JAK3: variants seen among roughly 807,000 people sequenced by gnomAD.
JAK3 encodes the protein tyrosine-protein kinase JAK3.
Under a neutral mutation model 120.8 loss-of-function variants are expected in JAK3, and 88 were observed. The ratio of observed to expected loss-of-function variants is 0.73; its 90% CI spans 0.61 to 0.87. The LOEUF (loss-of-function observed/expected upper bound fraction) is 0.87, where lower values mean the gene tolerates loss of function less well. Among genes scored for constraint, JAK3 ranks in the 40% least tolerant of loss-of-function variants. The pLI, the probability that JAK3 is intolerant of heterozygous loss-of-function variation, is 0.00. For synonymous variants in JAK3, 592 were observed against 628.6 expected (o/e 0.94, Z 0.87); for missense variants, 1,254 against 1,501.4 (o/e 0.84, Z 2.72).
At position 17,837,980 on chromosome 19, in the gene JAK3, T is replaced by C. The variant is rs201698409; in HGVS notation, c.1653A>G (p.Thr551=). The change falls in exon 12 of 24, where the codon ACA becomes ACG. Residue 551 remains threonine, a synonymous_variant. Coordinates refer to ENST00000458235, the MANE Select transcript of JAK3 (RefSeq NM_000215.4). ...CATCCATGACCTTCAGCAGCACCTC[T>C]GTCTTTCGGGCCTCCCCATCCACCA... ...HEVVDGEARK[T]EVLLKVMDAK... is the part of the protein sequence containing the mutation. 2.7e-5 allele frequency: 44 copies of C among 1,614,154 alleles called. No homozygotes were observed. The Admixed American group carries it at 7.2e-4, about 26-fold the overall frequency.
At chr19:17,846,385 A>G (rs1459329401) in intron 1 of JAK3, among the ~76,000 whole-genome samples, 1 of 152,076 alleles carries the variant, frequency 6.6e-6, no homozygotes, top group African/African-American at 2.4e-5. Flanking sequence ...CTTGTGGGGG[A>G]AAGAACCTTA....
chr19:17,845,519 G>T (rs1472199230), intron 1 of JAK3, among the ~76,000 whole-genome samples: 5 of 152,076 alleles, frequency 3.3e-5, no homozygotes, highest in Non-Finnish European at 7.4e-5. Context: ...AGAAAAAAAA[G>T]CCTTGTAATC....
intron 23 of JAK3, 129 bp downstream of exon 23, chr19:17,829,979 C>T: frequency 2.7e-6 from 2 of 734,972 alleles, no homozygotes; most frequent in South Asian, 2.9e-5. Context: ...CAAGTGGGGG[C>T]CAGGATCCTC....
Position 17,832,807 on chromosome 19 carries a change from T to A in JAK3, c.2473A>T (p.Ile825Phe). 6.2e-7 allele frequency: 1 copy of A among 1,614,240 alleles called. No individual in the cohort carries two copies. Among genetic ancestry groups the A allele is most frequent in the Non-Finnish European group, 8.5e-7 (1 of 1,180,042 alleles). The part of the protein sequence containing the change: ...TIFEERHLKY[I>F]SQLGKGNFGS... ...CACCTTACCTTGCCCAGCTGTGAGA[T>A]GTACTTGAGGTGTCTCTCCTCGAAG... The change falls in exon 18 of 24, where the codon ATC (isoleucine) becomes TTC (phenylalanine). Residue 825 changes from isoleucine (I) to phenylalanine (F), a missense_variant. Ile to Phe is a conservative substitution (Grantham distance 21, BLOSUM62 0). Around this residue, in one of 3 missense-constraint regions of JAK3, gnomAD observed 630 missense variants for 819.8 expected, o/e 0.77. Transcript: ENST00000458235. The surrounding 1 kb of genome is among the most constrained non-coding windows in gnomAD (Gnocchi z 4.7).
At position 17,840,212 on chromosome 19, in the gene JAK3, C is replaced by A. The variant is rs1443978564; in HGVS notation, c.1254+18G>T. ...CCTCCAGGCAGCCCTCCACTACCCA[C>A]CCTAGCAGTAGACCGACCTGGACAC... On this transcript the variant is annotated intron_variant, in intron 9 of 23. Coordinates refer to ENST00000458235, the MANE Select transcript of JAK3 (RefSeq NM_000215.4). The A allele has an allele frequency of 6.4e-7, 1 of 1,569,444 alleles. No homozygotes were observed. The highest frequency in any genetic ancestry group is 1.1e-5 in the South Asian group (1 of 90,134).
intron 1 of JAK3, 43 bp from the exon 2 acceptor site, chr19:17,844,473 G>A (rs1476908159): frequency 1.3e-5 from 20 of 1,530,702 alleles, no homozygotes; most frequent in African/African-American, 2.7e-5. Context: ...TGGTCAGAGG[G>A]GATTGGACTT....
Position 17,843,588 on chromosome 19 carries a change from T to C in JAK3, c.309-97A>G. 1 of 1,172,512 alleles carries C rather than the reference T, an allele frequency of 8.5e-7. No individual in the cohort carries two copies. The highest frequency in any genetic ancestry group is 1.9e-5 in the Admixed American group (1 of 53,880). 72.6% of individuals were successfully genotyped at this position (1,172,512 alleles called of 1,614,324 possible). A position where few individuals can be genotyped will look rare whatever the true frequency, so the allele number is the denominator to read the frequency against. On this transcript the variant is annotated intron_variant, in intron 3 of 23. Coordinates refer to ENST00000458235, the MANE Select transcript of JAK3 (RefSeq NM_000215.4). This position sits in a 1 kb window ranked among gnomAD's most constrained non-coding sequence, Gnocchi z 5.4. ...GCGAGGGACAGATTCTGCGGAGGCC[T>C]CACAGAGCCCAGCTTGTACCTTTAA...
Position 17,831,339 on chromosome 19 carries a change from A to G in JAK3, c.2867T>C (p.Leu956Pro). 1 of 1,611,528 alleles carries G rather than the reference A, an allele frequency of 6.2e-7. No homozygotes were observed. The highest frequency in any genetic ancestry group is 8.5e-7 in the Non-Finnish European group (1 of 1,179,834). ...VHRDLAARNI[L>P]VESEAHVKIA... ...CTTGACGTGTGCCTCGCTCTCCACG[A>G]GGATGTTTCGGGCGGCCAGGTCGCG... The change falls in exon 21 of 24, where the codon CTC (leucine) becomes CCC (proline). Residue 956 changes from leucine (L) to proline (P), a missense_variant. By Grantham distance (98) the Leu-to-Pro change is moderately conservative. This residue lies in a region of JAK3 where 630 missense variants were observed against 819.8 expected (regional missense o/e 0.77). Coordinates refer to ENST00000458235, the MANE Select transcript of JAK3 (RefSeq NM_000215.4). The surrounding 1 kb of genome is among the most constrained non-coding windows in gnomAD (Gnocchi z 5.1).
intron 10 of JAK3, 139 bp downstream of exon 10, chr19:17,839,338 A>G: frequency 1.2e-6 from 1 of 806,990 alleles, no homozygotes; most frequent in Non-Finnish European, 2.1e-6. Context: ...TAACTTCCTG[A>G]GCCAACAAAT....
chr19:17,840,492 C>G, intron 8 of JAK3, 151 bp from the exon 9 acceptor site: 1 of 645,422 alleles, frequency 1.5e-6, no homozygotes, highest in Non-Finnish European at 2.8e-6. Context: ...GGCCAGGCGC[C>G]GTGGCTCACG....
Position 17,843,419 on chromosome 19 carries a change from A to G in JAK3, c.381T>C (p.Ala127=), listed in dbSNP as rs587778418. 3 of 1,596,670 alleles carry G rather than the reference A, an allele frequency of 1.9e-6. No individual in the cohort carries two copies. Among genetic ancestry groups the G allele is most frequent in the Non-Finnish European group, 1.7e-6 (2 of 1,172,108 alleles). Residue 127 remains alanine, a synonymous_variant, in exon 4 of 24, where the codon GCT becomes GCC. Transcript: ENST00000458235. The surrounding 1 kb of genome is among the most constrained non-coding windows in gnomAD (Gnocchi z 5.4). ...RFGLRKDLAS[A]ILDLPVLEHL... ...GCTCCAGGACTGGCAGGTCAAGGATAGCACTGGCCAAATCCTTGCGTAGCC... is the reference window on the plus strand; with the variant it reads ...GCTCCAGGACTGGCAGGTCAAGGATGGCACTGGCCAAATCCTTGCGTAGCC...
intron 8 of JAK3, 87 bp from the exon 9 acceptor site, chr19:17,840,428 G>T: frequency 1.1e-6 from 1 of 889,346 alleles, no homozygotes; most frequent in Non-Finnish European, 1.8e-6. Context: ...TACCTCTGTA[G>T]CCCTGGGATC....
rs73014967 is a variant in JAK3 at position 17,825,450 on chromosome 19, G to A, written c.*1293C>T. On this transcript the variant is annotated 3_prime_UTR_variant, in exon 24 of 24. Coordinates refer to ENST00000458235, the MANE Select transcript of JAK3 (RefSeq NM_000215.4). ...CCTAGGACACTCAGATACCATTAGGGTGGACTGGGACCCCAGCCTTTCCTG... is the reference window on the plus strand; with the variant it reads ...CCTAGGACACTCAGATACCATTAGGATGGACTGGGACCCCAGCCTTTCCTG... 0.18 allele frequency: 39,312 copies of A among 215,624 alleles called. 3,858 individuals are homozygous for A. Among genetic ancestry groups the A allele is most frequent in the Middle Eastern group, 0.31 (214 of 686 alleles). The allele number at this position is 215,624 out of a possible 1,614,324, so 13.4% of individuals were successfully genotyped here. A position where few individuals can be genotyped will look rare whatever the true frequency, so the allele number is the denominator to read the frequency against.
rs1465921593 is a variant in JAK3, at chr19:17,847,934, G to T, written c.-14+12C>A. On this transcript the variant is annotated intron_variant, in intron 1 of 23. Transcript: ENST00000458235. ...TGTCTGGGCCGAGCCCTGCGGCATC[G>T]CCAGCTCTTACCTAGCGGGCAGGGA... is the stretch of plus-strand genomic sequence containing the variant. The T allele has an allele frequency of 5.9e-6, 6 of 1,020,752 alleles. No individual in the cohort carries two copies. The highest frequency in any genetic ancestry group is 7.1e-6 in the Non-Finnish European group (6 of 848,462). The allele number at this position is 1,020,752 out of a possible 1,614,324, so 63.2% of individuals were successfully genotyped here.
Position 17,832,600 on chromosome 19 carries a change from C to T in JAK3, c.2599G>A (p.Asp867Asn), listed in dbSNP as rs1213477299. The change falls in exon 19 of 24, where the codon GAC becomes AAC. Residue 867 changes from aspartate (D) to asparagine (N), a missense_variant. Asp to Asn is a conservative substitution (Grantham distance 23). This residue lies in a region of JAK3 where 630 missense variants were observed against 819.8 expected (regional missense o/e 0.77). Coordinates refer to ENST00000458235, the MANE Select transcript of JAK3 (RefSeq NM_000215.4). This position sits in a 1 kb window ranked among gnomAD's most constrained non-coding sequence, Gnocchi z 4.7. ...AGGATCTGAATCTCCCGCTGAAAGT[C>T]CCTCTGCTGGTCTGGCCCGCTGTGC... ...LQHSGPDQQR[D>N]FQREIQILKA... 1 of 1,614,242 alleles carries T rather than the reference C, an allele frequency of 6.2e-7. No individual in the cohort carries two copies. The highest frequency in any genetic ancestry group is 1.1e-5 in the South Asian group (1 of 91,090).
At chr19:17,827,839 T>C (rs1391020720) in intron 23 of JAK3, among the ~76,000 whole-genome samples, 1 of 147,324 alleles carries the variant, frequency 6.8e-6, no homozygotes, top group Non-Finnish European at 1.5e-5. Flanking sequence ...GAGGCGGAAG[T>C]TGTGGTGAGC....
Position 17,839,509 on chromosome 19 carries a change from G to C in JAK3, c.1409C>G (p.Thr470Ser). The change falls in exon 10 of 24, where the codon ACC becomes AGC. Residue 470 changes from threonine to serine, a missense_variant. By Grantham distance (58) the Thr-to-Ser change is moderately conservative. Coordinates refer to ENST00000458235, the MANE Select transcript of JAK3 (RefSeq NM_000215.4). ...GGLHVDGVAV[T>S]LTSCCIPRPK... is the part of the protein sequence containing the mutation. ...TCTGGGGATACAGCAGGAAGTGAGG[G>C]TCACTGCCACCCCATCTACGTGCAG... 6.3e-7 allele frequency: 1 copy of C among 1,596,102 alleles called. No homozygotes were observed. Among genetic ancestry groups the C allele is most frequent in the Admixed American group, 1.7e-5 (1 of 57,176 alleles).
In JAK3 at chr19:17,830,133, G is replaced by C. The variant is rs201366505; in HGVS notation, c.3182C>G (p.Pro1061Arg). ...LELLEEGQRLPAPPACPAEVH... is the reference protein window; with the variant it reads ...LELLEEGQRLRAPPACPAEVH... ...CTCAGCAGGGCAGGCAGGAGGCGCC[G>C]GCAGCCTCTGGCCCTCCTCCAGCAG... is the stretch of plus-strand genomic sequence containing the variant. The change falls in exon 23 of 24, where the codon CCG becomes CGG. Residue 1061 changes from proline (P) to arginine (R), a missense_variant. Transcript: ENST00000458235. 1 of 1,586,444 alleles carries C rather than the reference G, an allele frequency of 6.3e-7. No individual in the cohort carries two copies. The highest frequency in any genetic ancestry group is 8.6e-7 in the Non-Finnish European group (1 of 1,167,740).
chr19:17,842,668 G>T lies in JAK3; in HGVS notation c.567-58C>A. ...CAGCGTCGGGAGGGGTCCCCGCGGG[G>T]ACACACACAAACCCAGGCTTTAGCC... On this transcript the variant is annotated intron_variant, in intron 5 of 23. Coordinates refer to ENST00000458235, the MANE Select transcript of JAK3 (RefSeq NM_000215.4). This position sits in a 1 kb window ranked among gnomAD's most constrained non-coding sequence, Gnocchi z 6.4. The T allele has an allele frequency of 6.8e-7, 1 of 1,469,132 alleles. No homozygotes were observed. The allele number at this position is 1,469,132 out of a possible 1,614,324, so 91.0% of individuals were successfully genotyped here.
Sources: gnomAD v4.1 joint callset for allele counts (sites outside exome capture counted in the v4.1 genomes callset) on GRCh38, gnomAD v4.1.1 for gene constraint, gnomAD v4.1.1 regional missense constraint, Gnocchi (gnomAD v3.1) non-coding constraint, MANE v1.5 for transcripts, NCBI Gene and HGNC (gene_info 2026-07-23, HGNC 2026-07-21) for gene names.